Variants in ANKS1B observed in about 807,000 individuals in gnomAD.
The protein encoded by ANKS1B is ankyrin repeat and sterile alpha motif domain containing 1B.
In ANKS1B, 36 loss-of-function variants were observed where a neutral mutation model predicts 148.3. The ratio of observed to expected loss-of-function variants is 0.24; its 90% confidence interval spans 0.19 to 0.32. The LOEUF is 0.32. ANKS1B is among the 10% of genes least tolerant of loss of function. ANKS1B has a pLI of 1.00. For missense variants in ANKS1B, 1,157 were observed against 1,542.6 expected, an observed-to-expected ratio of 0.75 and a Z score of 4.19; for synonymous variants, 542 against 560.8, an observed-to-expected ratio of 0.97 and a Z score of 0.47.
chr12:99,388,651 G>A (rs1437716465), intron 12 of ANKS1B, among the ~76,000 whole-genome samples: 4 of 152,124 alleles, frequency 2.6e-5, no homozygotes, highest in African/African-American at 9.7e-5. Context: ...AGTCTGGGTG[G>A]CTTAACTGGG....
At chr12:99,468,646 T>C (rs944777505) in intron 10 of ANKS1B, among the ~76,000 whole-genome samples, 21 of 152,088 alleles carry the variant, frequency 1.4e-4, no homozygotes, top group Non-Finnish European at 2.9e-4. Context: ...AACAGACACT[T>C]CTCAAAAGAA....
intron 12 of ANKS1B, among the ~76,000 whole-genome samples, chr12:99,285,573 AC>A (rs2079019368): frequency 6.6e-6 from 1 of 152,216 alleles, no homozygotes; most frequent in Admixed American, 6.5e-5. Context: ...AAATTGAATA[AC>A]CATCCACATA....
At chr12:99,671,670 T>C (rs1209856065) in intron 8 of ANKS1B, among the ~76,000 whole-genome samples, 1 of 152,098 alleles carries the variant, frequency 6.6e-6, no homozygotes, top group Non-Finnish European at 1.5e-5. Context: ...ACTGAAGCAT[T>C]TTATATTGAA....
At chr12:99,134,628 GTCTCTC>G (rs773301655) in intron 15 of ANKS1B, among the ~76,000 whole-genome samples, 13 of 112,456 alleles carry the variant, frequency 1.2e-4, no homozygotes, top group Non-Finnish European at 2.2e-4. Flanking sequence ...ATCCCTTTCT[GTCTCTC>G]TCTCTCTCTC....
chr12:98,823,772 G>A (rs757292107), intron 19 of ANKS1B, among the ~76,000 whole-genome samples: 3 of 152,256 alleles, frequency 2.0e-5, no homozygotes, highest in South Asian at 2.1e-4. Flanking sequence ...GATTACAGGC[G>A]TGAGCCACGG....
At chr12:99,467,307 A>T (rs1181925863) in intron 10 of ANKS1B, among the ~76,000 whole-genome samples, 53 of 152,250 alleles carry the variant, frequency 3.5e-4, no homozygotes, top group African/African-American at 1.1e-3. Context: ...ATAAGAGCTA[A>T]CTATGACAAA....
chr12:99,973,876 A>G (rs2095592552), intron 1 of ANKS1B, among the ~76,000 whole-genome samples: 1 of 152,234 alleles, frequency 6.6e-6, no homozygotes, highest in Non-Finnish European at 1.5e-5. Flanking sequence ...CACTGTGAAC[A>G]TTGCTGAAAC....
At chr12:99,919,940 T>C (rs1402657626) in intron 1 of ANKS1B, among the ~76,000 whole-genome samples, 1 of 152,190 alleles carries the variant, frequency 6.6e-6, no homozygotes, top group Non-Finnish European at 1.5e-5. Flanking sequence ...CTTTTTACTT[T>C]CTTTATGGTG....
At chr12:99,198,298 T>TTTAA (rs1448622497) in intron 14 of ANKS1B, among the ~76,000 whole-genome samples, 3 of 152,190 alleles carry the variant, frequency 2.0e-5, no homozygotes, top group African/African-American at 4.8e-5. Context: ...CATAGTACAT[T>TTTAA]TTAATAACTG....
At chr12:99,034,134 C>A (rs1568466709) in intron 17 of ANKS1B, among the ~76,000 whole-genome samples, 1 of 152,150 alleles carries the variant, frequency 6.6e-6, no homozygotes, top group Non-Finnish European at 1.5e-5. Flanking sequence ...CATTCATAGA[C>A]ACCCCTGTCA....
intron 2 of ANKS1B, among the ~76,000 whole-genome samples, chr12:99,815,607 T>C (rs2069006821): frequency 1.3e-5 from 2 of 150,302 alleles, no homozygotes; most frequent in Non-Finnish European, 3.0e-5. Context: ...TAGTGCACAA[T>C]GTTTCCAGCG....
chr12:99,430,729 T>C (rs1273896787), intron 11 of ANKS1B, among the ~76,000 whole-genome samples: 6 of 152,338 alleles, frequency 3.9e-5, no homozygotes, highest in East Asian at 1.9e-4. Flanking sequence ...ATAATAAATA[T>C]GTTCTCTGCT....
At chr12:99,276,832 AG>A (rs1462186541) in intron 12 of ANKS1B, among the ~76,000 whole-genome samples, 1 of 152,228 alleles carries the variant, frequency 6.6e-6, no homozygotes, top group Non-Finnish European at 1.5e-5. Context: ...GCTACATATC[AG>A]TCAGTAGAGA....
chr12:99,600,320 C>T (rs1482696244), intron 9 of ANKS1B, among the ~76,000 whole-genome samples: 4 of 151,956 alleles, frequency 2.6e-5, no homozygotes, highest in Non-Finnish European at 4.4e-5. Flanking sequence ...TTACCCTACC[C>T]CAGTGGTCCT....
At chr12:99,336,257 A>G (rs1194441627) in intron 12 of ANKS1B, among the ~76,000 whole-genome samples, 1 of 151,858 alleles carries the variant, frequency 6.6e-6, no homozygotes, top group Non-Finnish European at 1.5e-5. Flanking sequence ...AGTTCCTTAT[A>G]TATTCTGGTT....
chr12:99,518,762 C>T (rs1181478659), intron 9 of ANKS1B, among the ~76,000 whole-genome samples: 1 of 151,950 alleles, frequency 6.6e-6, no homozygotes, highest in African/African-American at 2.4e-5. Context: ...TTCTTTTCTA[C>T]TAATTTTAAA....
At chr12:99,692,208 G>A (rs566883039) in intron 8 of ANKS1B, among the ~76,000 whole-genome samples, 31 of 152,188 alleles carry the variant, frequency 2.0e-4, no homozygotes, top group African/African-American at 6.7e-4. Flanking sequence ...ATTGTAGGAG[G>A]GGAATAACAG....
At chr12:99,186,486 G>A (rs1054224883) in intron 14 of ANKS1B, among the ~76,000 whole-genome samples, 1 of 152,164 alleles carries the variant, frequency 6.6e-6, no homozygotes, top group Admixed American at 6.5e-5. Flanking sequence ...TCACACAGGA[G>A]AGCTCTGACT....
rs139145083 is a variant in ANKS1B, at chr12:99,718,798, G to C, written c.1128+54124C>G. Among the ~76,000 whole-genome samples, 3 of 151,944 alleles carry C rather than the reference G, an allele frequency of 2.0e-5. 1 individual carries two copies. The highest frequency in any genetic ancestry group is 4.4e-5 in the Non-Finnish European group (3 of 67,994). ...GCACCCTTCATCCCAGCCTTTCTTCGCTTTCACTTAGACTGACCCTGACAC... is the reference window on the plus strand; with the variant it reads ...GCACCCTTCATCCCAGCCTTTCTTCCCTTTCACTTAGACTGACCCTGACAC... On this transcript the variant is annotated intron_variant, in intron 8 of 26. Coordinates refer to ENST00000683438, the MANE Select transcript of ANKS1B (RefSeq NM_001352186.2).
Sources: gnomAD v4.1 joint callset for allele counts (sites outside exome capture counted in the v4.1 genomes callset) on GRCh38, gnomAD v4.1.1 for gene constraint, MANE v1.5 for transcripts, NCBI Gene and HGNC (gene_info 2026-07-23, HGNC 2026-07-21) for gene names.